The following SLC38A11 variants were observed in gnomAD, a reference collection of about 807,000 sequenced individuals.
The protein encoded by SLC38A11 is putative sodium-coupled neutral amino acid transporter 11.
A neutral mutation model predicts 49.4 loss-of-function variants in SLC38A11; 51 were observed. The observed-to-expected ratio is 1.03, with a 90% CI of 0.83 to 1.30. The LOEUF is 1.30. Among genes scored for constraint, SLC38A11 ranks in the 50% most tolerant of loss-of-function variants. The pLI is 0.00. For synonymous variants in SLC38A11, 203 were observed against 192.9 expected (o/e 1.05, Z -0.43); for missense variants, 574 against 556.2 (o/e 1.03, Z -0.32).
At chr2:164,936,024 C>T (rs943521831) in intron 7 of SLC38A11, among the ~76,000 whole-genome samples, 1 of 152,100 alleles carries the variant, frequency 6.6e-6, no homozygotes, top group African/African-American at 2.4e-5. Context: ...TTCCAGCCTC[C>T]AGAACTATGA....
intron 3 of SLC38A11, among the ~76,000 whole-genome samples, chr2:164,949,749 G>A (rs1430923241): frequency 6.6e-6 from 1 of 152,230 alleles, no homozygotes; most frequent in Non-Finnish European, 1.5e-5. Flanking sequence ...GGAAGATGGT[G>A]TGAAAGCTTA....
At chr2:164,945,248 T>C (rs1047475001) in intron 4 of SLC38A11, among the ~76,000 whole-genome samples, 1 of 141,412 alleles carries the variant, frequency 7.1e-6, no homozygotes, top group African/African-American at 2.6e-5. Context: ...CTTCCACAAA[T>C]CCTTTGCTTT....
At chr2:164,909,389 A>G (rs188170435) in intron 10 of SLC38A11, among the ~76,000 whole-genome samples, 1 of 152,224 alleles carries the variant, frequency 6.6e-6, no homozygotes, top group Admixed American at 6.6e-5. Flanking sequence ...GTTTGCAAAG[A>G]TAAAATGTCA....
chr2:164,896,683 A>G lies in SLC38A11; in HGVS notation c.*1754T>C, dbSNP rs1684382722. On this transcript the variant is annotated 3_prime_UTR_variant, in exon 12 of 12. Transcript: ENST00000685975. ...AAACAAATTTATAAGTTAAATACAGAAAAGTTACCCAACAGAATTTAAATT... is the reference window on the plus strand; with the variant it reads ...AAACAAATTTATAAGTTAAATACAGGAAAGTTACCCAACAGAATTTAAATT... 1 of 152,174 alleles carries G rather than the reference A, an allele frequency of 6.6e-6. No individual in the cohort carries two copies. The highest frequency in any genetic ancestry group is 2.4e-5 in the African/African-American group (1 of 41,450). The allele number at this position is 152,174 out of a possible 1,614,324, so 9.4% of individuals were successfully genotyped here. A position where few individuals can be genotyped will look rare whatever the true frequency, so the allele number is the denominator to read the frequency against.
At chr2:164,902,059 G>T (rs1169625437) in intron 11 of SLC38A11, among the ~76,000 whole-genome samples, 9 of 147,058 alleles carry the variant, frequency 6.1e-5, no homozygotes, top group Non-Finnish European at 1.3e-4. Context: ...TTGGAGACAG[G>T]GTCTCACTCT....
intron 7 of SLC38A11, among the ~76,000 whole-genome samples, chr2:164,920,072 G>A (rs1266320434): frequency 2.6e-5 from 4 of 152,058 alleles, no homozygotes; most frequent in Admixed American, 6.6e-5. Context: ...TCAGGAGTTC[G>A]AGATCAGCCT....
intron 5 of SLC38A11, among the ~76,000 whole-genome samples, 192 bp from the exon 6 acceptor site, chr2:164,939,748 A>C (rs1687625039): frequency 1.3e-5 from 2 of 151,990 alleles, no homozygotes; most frequent in African/African-American, 4.8e-5. Context: ...AACACAAAAA[A>C]ATTTCAGGAT....
chr2:164,940,771 T>C (rs1333290180), intron 5 of SLC38A11, among the ~76,000 whole-genome samples: 4 of 150,914 alleles, frequency 2.7e-5, no homozygotes, highest in African/African-American at 9.7e-5. Context: ...TGTGTATGTG[T>C]GTGTATATAT....
At chr2:164,913,560 AG>A (rs1311819921) in intron 9 of SLC38A11, among the ~76,000 whole-genome samples, 3 of 152,070 alleles carry the variant, frequency 2.0e-5, no homozygotes, top group Non-Finnish European at 4.4e-5. Flanking sequence ...AATTACAGCT[AG>A]GGGGAAAACG....
In SLC38A11 at chr2:164,947,117, C is replaced by CTTTTTTTTTTTTTTTTTTTTTTTTTTTT. The variant is rs200284770; in HGVS notation, c.230-1418_230-1391dup. Among the ~76,000 whole-genome samples, 3 of 72,912 alleles carry CTTTTTTTTTTTTTTTTTTTTTTTTTTTT rather than the reference C, an allele frequency of 4.1e-5. 1 individual carries two copies. Among genetic ancestry groups the CTTTTTTTTTTTTTTTTTTTTTTTTTTTT allele is most frequent in the African/African-American group, 1.5e-4 (2 of 12,992 alleles). 47.8% of individuals were successfully genotyped at this position (72,912 alleles called of 152,430 possible). On this transcript the variant is annotated intron_variant, in intron 3 of 11. Coordinates refer to ENST00000685975, the MANE Select transcript of SLC38A11 (RefSeq NM_001351537.2). The stretch of plus-strand genomic sequence containing the variant: ...CCTGGATTCTTGGACTTTTTTATCT[C>CTTTTTTTTTTTTTTTTTTTTTTTTTTTT]TTTTTTTTTTTTTTTTTTTTTTTTT...
At position 164,955,434 on chromosome 2, in the gene SLC38A11, T is replaced by G; in HGVS notation, c.-187A>C. 2 of 574,356 alleles carry G rather than the reference T, an allele frequency of 3.5e-6. No homozygotes were observed. Among genetic ancestry groups the G allele is most frequent in the Non-Finnish European group, 3.1e-6 (1 of 322,478 alleles). The allele number at this position is 574,356 out of a possible 1,614,324, so 35.6% of individuals were successfully genotyped here. ...GCGAGGGCTGCAGCCCCAAGATCTC[T>G]AGGCTGTGGCAGCCTGGGGCGCTTT... On this transcript the variant is annotated 5_prime_UTR_variant, in exon 1 of 12. Coordinates refer to ENST00000685975, the MANE Select transcript of SLC38A11 (RefSeq NM_001351537.2).
chr2:164,900,642 CAA>C (rs1684591884), intron 11 of SLC38A11, among the ~76,000 whole-genome samples: 1 of 151,800 alleles, frequency 6.6e-6, no homozygotes, highest in African/African-American at 2.4e-5. Context: ...ATTTTTTAAT[CAA>C]GTTAATCATT....
At chr2:164,913,914 G>C (rs1220590566) in intron 9 of SLC38A11, among the ~76,000 whole-genome samples, 1 of 151,952 alleles carries the variant, frequency 6.6e-6, no homozygotes, top group Admixed American at 6.6e-5. Flanking sequence ...TTCATTTCTT[G>C]AGAAATATTT....
At chr2:164,945,006 A>C (rs940913384) in intron 4 of SLC38A11, among the ~76,000 whole-genome samples, 6 of 152,172 alleles carry the variant, frequency 3.9e-5, no homozygotes, top group Non-Finnish European at 8.8e-5. Flanking sequence ...TGAAGACACT[A>C]ATATATCCCC....
At chr2:164,909,186 G>T (rs6724090) in intron 10 of SLC38A11, among the ~76,000 whole-genome samples, 2,118 of 152,086 alleles carry the variant, frequency 0.014, 50 homozygotes, top group African/African-American at 0.049. Flanking sequence ...TATTAATACT[G>T]GATGTGTAAT....
At chr2:164,906,712 A>G (rs1685032345) in intron 11 of SLC38A11, among the ~76,000 whole-genome samples, 1 of 152,150 alleles carries the variant, frequency 6.6e-6, no homozygotes, top group African/African-American at 2.4e-5. Flanking sequence ...GTTACCTTTG[A>G]CACTTGCTTA....
chr2:164,952,646 G>A (rs1574025214), intron 3 of SLC38A11, 61 bp downstream of exon 3: 2 of 953,414 alleles, frequency 2.1e-6, no homozygotes, highest in Non-Finnish European at 1.7e-6. Context: ...GTGTGTGTGT[G>A]TATGTGTGTA....
intron 3 of SLC38A11, among the ~76,000 whole-genome samples, chr2:164,950,611 TTC>T (rs1277694609): frequency 2.0e-5 from 3 of 152,214 alleles, no homozygotes; most frequent in Non-Finnish European, 4.4e-5. Flanking sequence ...CAAAAGAATT[TTC>T]TTTTAAATAA....
chr2:164,940,228 TTATA>T (rs5836006), intron 5 of SLC38A11, among the ~76,000 whole-genome samples: 7,379 of 142,098 alleles, frequency 0.052, 248 homozygotes, highest in Admixed American at 0.073. Context: ...ATAGAAAATT[TTATA>T]TATATATATA....
Sources: gnomAD v4.1 joint callset for allele counts (sites outside exome capture counted in the v4.1 genomes callset) on GRCh38, gnomAD v4.1.1 for gene constraint, MANE v1.5 for transcripts, NCBI Gene and HGNC (gene_info 2026-07-23, HGNC 2026-07-21) for gene names.